Variants in SPPL3 observed in about 807,000 individuals in gnomAD.
SPPL3 encodes signal peptide peptidase-like 3.
SPPL3 carries 5 observed loss-of-function variants against 42.4 expected under a neutral mutation model. That is an observed-to-expected ratio of 0.12 (90% CI 0.06 to 0.25). The LOEUF (loss-of-function observed/expected upper bound fraction) is 0.25, where lower values mean the gene tolerates loss of function less well. SPPL3 is among the 10% of genes least tolerant of loss of function. The probability of loss-of-function intolerance (pLI) is 1.00; values close to 1 mark genes in which losing one functional copy is unlikely to be tolerated. For missense variants in SPPL3, 235 were observed against 489.0 expected, an observed-to-expected ratio of 0.48 and a Z score of 4.90; for synonymous variants, 195 against 181.8, an observed-to-expected ratio of 1.07 and a Z score of -0.58.
Position 120,764,749 on chromosome 12 carries a change from C to A in SPPL3, c.*250G>T. The stretch of plus-strand genomic sequence containing the variant: ...GATCCATAAAAACGTGGGAGGAAGG[C>A]GCGCTGGGGAGAGGCCTGTCCCTCT... On this transcript the variant is annotated 3_prime_UTR_variant, in exon 11 of 11. Coordinates refer to ENST00000353487, the MANE Select transcript of SPPL3 (RefSeq NM_139015.5). The A allele has an allele frequency of 2.3e-6, 1 of 434,016 alleles. No individual in the cohort carries two copies. The highest frequency in any genetic ancestry group is 4.1e-6 in the Non-Finnish European group (1 of 246,432). 26.9% of individuals were successfully genotyped at this position (434,016 alleles called of 1,614,324 possible). A position where few individuals can be genotyped will look rare whatever the true frequency, so the allele number is the denominator to read the frequency against.
chr12:120,778,653 C>A (rs1869419997), intron 6 of SPPL3, among the ~76,000 whole-genome samples: 1 of 152,116 alleles, frequency 6.6e-6, no homozygotes, highest in Non-Finnish European at 1.5e-5. Flanking sequence ...GTAAGTATAA[C>A]TTATATTTGT....
intron 3 of SPPL3, among the ~76,000 whole-genome samples, chr12:120,785,042 T>C (rs1379480456): frequency 6.6e-6 from 1 of 152,190 alleles, no homozygotes; most frequent in Non-Finnish European, 1.5e-5. Context: ...TTGCTAATAG[T>C]TGAGAACTGA....
intron 1 of SPPL3, among the ~76,000 whole-genome samples, chr12:120,836,533 A>C (rs1381723670): frequency 2.8e-5 from 4 of 144,814 alleles, no homozygotes; most frequent in African/African-American, 1.0e-4. Context: ...ACCACACGGG[A>C]CAAAGACAAA....
chr12:120,886,488 T>C (rs1249238712), intron 1 of SPPL3, among the ~76,000 whole-genome samples: 2 of 152,154 alleles, frequency 1.3e-5, no homozygotes. Context: ...AAAGCAGACC[T>C]TGAACACCTA....
At chr12:120,766,703 T>C (rs1440136166) in intron 9 of SPPL3, among the ~76,000 whole-genome samples, 1 of 152,220 alleles carries the variant, frequency 6.6e-6, no homozygotes, top group African/African-American at 2.4e-5. Flanking sequence ...CCAACTCTGC[T>C]ACTCACAATA....
intron 3 of SPPL3, among the ~76,000 whole-genome samples, chr12:120,787,928 G>T (rs892456137): frequency 6.6e-6 from 1 of 152,118 alleles, no homozygotes; most frequent in Non-Finnish European, 1.5e-5. Flanking sequence ...TGACATTTGG[G>T]TTGTTTCCAA....
At chr12:120,805,266 A>C (rs1432642016) in intron 2 of SPPL3, among the ~76,000 whole-genome samples, 1 of 152,266 alleles carries the variant, frequency 6.6e-6, no homozygotes, top group Non-Finnish European at 1.5e-5. Context: ...TACTATATAA[A>C]TTAAATGGAC....
chr12:120,903,524 G>A (rs951188278), intron 1 of SPPL3: 9 of 375,052 alleles, frequency 2.4e-5, no homozygotes, highest in South Asian at 6.7e-5. Flanking sequence ...GGTGCCTGTC[G>A]GATTCAACTT....
chr12:120,780,075 C>T (rs189518462), intron 6 of SPPL3, among the ~76,000 whole-genome samples: 22 of 151,086 alleles, frequency 1.5e-4, no homozygotes, highest in Admixed American at 2.6e-4. Flanking sequence ...GGCTGGGCCT[C>T]GTGGCTCAGT....
chr12:120,869,872 G>A (rs1872868046), intron 1 of SPPL3, among the ~76,000 whole-genome samples: 1 of 152,140 alleles, frequency 6.6e-6, no homozygotes, highest in South Asian at 2.1e-4. Flanking sequence ...TTTCAAATGT[G>A]ATGATTTCAA....
chr12:120,764,981 C>T lies in SPPL3; in HGVS notation c.*18G>A, dbSNP rs780936402. The stretch of plus-strand genomic sequence containing the variant: ...AAAAGGACTATGACGGCCATCTGGT[C>T]ACTTTCCACGTGATCCATCATACTT... On this transcript the variant is annotated 3_prime_UTR_variant, in exon 11 of 11. Coordinates refer to ENST00000353487, the MANE Select transcript of SPPL3 (RefSeq NM_139015.5). 8.7e-6 allele frequency: 14 copies of T among 1,612,822 alleles called. No homozygotes were observed. Among genetic ancestry groups the T allele is most frequent in the Non-Finnish European group, 1.2e-5 (14 of 1,179,406 alleles).
intron 6 of SPPL3, among the ~76,000 whole-genome samples, chr12:120,775,237 G>A (rs1167487004): frequency 6.6e-6 from 1 of 152,270 alleles, no homozygotes; most frequent in East Asian, 1.9e-4. Context: ...TGCAACCCCT[G>A]CCTTCCAGGT....
At chr12:120,836,608 T>C (rs191186134) in intron 1 of SPPL3, among the ~76,000 whole-genome samples, 1 of 152,302 alleles carries the variant, frequency 6.6e-6, no homozygotes, top group East Asian at 1.9e-4. Context: ...ATAGCATTTC[T>C]GGAAGGACAA....
rs527339173 is a variant in SPPL3 at position 120,781,555 on chromosome 12, GTTTTTTTTTTTTTTTTTTTTTT to G, written c.502+1078_502+1099del. ...TCTAATCCCATCTCCTTATTGTTAC[GTTTTTTTTTTTTTTTTTTTTTT>G]TTTTTTTTTTTTTTGAGACGGAGTC... On this transcript the variant is annotated intron_variant, in intron 6 of 10. Transcript: ENST00000353487. Among the ~76,000 whole-genome samples the G allele has an allele frequency of 9.5e-5, 6 of 63,010 alleles. 1 individual carries two copies. Among genetic ancestry groups the G allele is most frequent in the Middle Eastern group, 0.011 (1 of 92 alleles). The allele number at this position is 63,010 out of a possible 152,430, so 41.3% of individuals were successfully genotyped here.
At chr12:120,807,531 G>A (rs908688340) in intron 2 of SPPL3, among the ~76,000 whole-genome samples, 53 of 151,852 alleles carry the variant, frequency 3.5e-4, no homozygotes, top group African/African-American at 3.1e-4. Flanking sequence ...AAAATCAGCC[G>A]GGCATGGTGG....
At chr12:120,856,488 A>C (rs1359260801) in intron 1 of SPPL3, among the ~76,000 whole-genome samples, 1 of 140,864 alleles carries the variant, frequency 7.1e-6, no homozygotes, top group Non-Finnish European at 1.5e-5. Context: ...TGGTGTGGAG[A>C]TGAACAATTT....
chr12:120,857,129 G>A (rs1872486788), intron 1 of SPPL3, among the ~76,000 whole-genome samples: 1 of 152,196 alleles, frequency 6.6e-6, no homozygotes, highest in South Asian at 2.1e-4. Flanking sequence ...ATGACCAGAT[G>A]TCTGAAAGTG....
intron 1 of SPPL3, among the ~76,000 whole-genome samples, chr12:120,886,361 A>G (rs1873462116): frequency 6.6e-6 from 1 of 152,194 alleles, no homozygotes; most frequent in Admixed American, 6.5e-5. Context: ...CAGAGCCCCA[A>G]AAGGCATAAA....
intron 6 of SPPL3, among the ~76,000 whole-genome samples, chr12:120,781,179 G>T (rs1869523782): frequency 6.6e-6 from 1 of 152,120 alleles, no homozygotes; most frequent in Non-Finnish European, 1.5e-5. Flanking sequence ...TTCATCCTAG[G>T]TATTATTGTC....
Sources: gnomAD v4.1 joint callset for allele counts (sites outside exome capture counted in the v4.1 genomes callset) on GRCh38, gnomAD v4.1.1 for gene constraint, MANE v1.5 for transcripts, NCBI Gene and HGNC (gene_info 2026-07-23, HGNC 2026-07-21) for gene names.